SCN1A: variants seen among roughly 807,000 people sequenced by gnomAD.
The protein encoded by SCN1A is sodium voltage-gated channel alpha subunit 1.
SCN1A carries 13 observed loss-of-function variants against 193.7 expected under a neutral mutation model. The ratio of observed to expected loss-of-function variants is 0.07; its 90% confidence interval spans 0.04 to 0.11. The LOEUF (loss-of-function observed/expected upper bound fraction) is 0.11. SCN1A is among the 10% of genes least tolerant of loss of function. The pLI is 1.00. For missense variants in SCN1A, 1,432 were observed against 2,451.1 expected, an observed-to-expected ratio of 0.58 and a Z score of 8.78; for synonymous variants, 781 against 843.6, an observed-to-expected ratio of 0.93 and a Z score of 1.29.
intron 1 of SCN1A, among the ~76,000 whole-genome samples, chr2:166,135,261 AT>A (rs944826476): frequency 6.6e-6 from 1 of 152,148 alleles, no homozygotes. Flanking sequence ...TTTCAATTAG[AT>A]TTTTTTAATA....
chr2:166,058,460 T>G, intron 5 of SCN1A, 110 bp downstream of exon 5: 2 of 622,484 alleles, frequency 3.2e-6, no homozygotes, highest in East Asian at 5.4e-5. Flanking sequence ...AAAATGAGAG[T>G]GATGAAAACT....
chr2:166,058,560 A>G lies in SCN1A; in HGVS notation c.383+10T>C. 7.0e-7 allele frequency: 1 copy of G among 1,425,114 alleles called. No homozygotes were observed. Among genetic ancestry groups the G allele is most frequent in the Non-Finnish European group, 9.9e-7 (1 of 1,008,750 alleles). 88.3% of individuals were successfully genotyped at this position (1,425,114 alleles called of 1,614,324 possible). ...CAAATAGTTAATATTAATCACTTGA[A>G]AAAGGATATGAATGTACCAAAATCT... On this transcript the variant is annotated intron_variant, in intron 5 of 28. Transcript: ENST00000674923.
intron 2 of SCN1A, chr2:166,109,635 A>G (rs1007461368): frequency 6.6e-6 from 1 of 152,146 alleles, no homozygotes; most frequent in Non-Finnish European, 1.5e-5. Context: ...CTTTTTCACT[A>G]TTATTATATC....
intron 7 of SCN1A, among the ~76,000 whole-genome samples, chr2:166,053,571 G>A (rs948116110): frequency 2.6e-5 from 4 of 151,942 alleles, no homozygotes; most frequent in African/African-American, 4.8e-5. Context: ...CCAATGCTGC[G>A]CCTATTGTTA....
chr2:166,124,271 C>A (rs546841941), intron 2 of SCN1A, among the ~76,000 whole-genome samples: 1 of 151,468 alleles, frequency 6.6e-6, no homozygotes, highest in African/African-American at 2.4e-5. Flanking sequence ...ACAAATAGCC[C>A]GGTGTGATGG....
chr2:166,095,415 G>A (rs995484700), intron 2 of SCN1A, among the ~76,000 whole-genome samples: 2 of 152,128 alleles, frequency 1.3e-5, no homozygotes, highest in Non-Finnish European at 2.9e-5. Flanking sequence ...ACTGTGTCAA[G>A]TTTTTTAGTA....
intron 2 of SCN1A, among the ~76,000 whole-genome samples, chr2:166,079,133 T>C (rs549255754): frequency 6.6e-6 from 1 of 151,792 alleles, no homozygotes; most frequent in South Asian, 2.1e-4. Flanking sequence ...TTATTTCTTA[T>C]CTTATGTAGA....
chr2:166,001,879 C>CTCT (rs1559125880), intron 24 of SCN1A, among the ~76,000 whole-genome samples: 6 of 46,394 alleles, frequency 1.3e-4, no homozygotes, highest in Admixed American at 2.7e-4. Context: ...AATTCTCTCT[C>CTCT]TTTTTTTTTT....
At chr2:166,132,557 C>T (rs997258445), upstream of SCN1A, among the ~76,000 whole-genome samples, 4 of 151,966 alleles carry the variant, frequency 2.6e-5, no homozygotes, top group Admixed American at 1.3e-4. Flanking sequence ...GAAAGGGAGT[C>T]AGAAATGAAT....
intron 19 of SCN1A, among the ~76,000 whole-genome samples, chr2:166,024,303 C>T (rs919379591): frequency 3.3e-5 from 5 of 152,130 alleles, no homozygotes; most frequent in African/African-American, 1.2e-4. Flanking sequence ...AAGCAAATAG[C>T]TATTCCCACC....
intron 1 of SCN1A, among the ~76,000 whole-genome samples, chr2:166,135,257 T>C (rs953730034): frequency 2.6e-5 from 4 of 152,188 alleles, no homozygotes; most frequent in African/African-American, 9.7e-5. Context: ...AGAGTTTCAA[T>C]TAGATTTTTT....
intron 23 of SCN1A, among the ~76,000 whole-genome samples, chr2:166,006,528 C>T (rs774679115): frequency 5.5e-4 from 83 of 151,352 alleles, no homozygotes; most frequent in Non-Finnish European, 9.2e-4. Flanking sequence ...CATGATAAGA[C>T]GTTTTTGTTT....
At chr2:166,122,478 ATTCT>A (rs1690707792) in intron 2 of SCN1A, among the ~76,000 whole-genome samples, 1 of 152,208 alleles carries the variant, frequency 6.6e-6, no homozygotes, top group African/African-American at 2.4e-5. Context: ...CAGTTTTCTG[ATTCT>A]TTAAAGTTAT....
rs1328589421 is a variant in SCN1A at position 166,051,755 on chromosome 2, A to C, written c.928T>G (p.Phe310Val). The change falls in exon 9 of 29, where the codon TTT becomes GTT. Residue 310 changes from phenylalanine (F) to valine (V), a missense_variant. Phe to Val is a conservative substitution (Grantham distance 50). Around this residue, in one of 18 missense-constraint regions of SCN1A, gnomAD observed 52 missense variants for 59.6 expected, o/e 0.87. Coordinates refer to ENST00000674923, the MANE Select transcript of SCN1A (RefSeq NM_001165963.4). ...YNGTLINETV[F>V]EFDWKSYIQD... Reference sequence around the variant, plus strand: ...ATATATGACTTCCAGTCAAACTCAAAGACAGTTTCATTTATAAGTGTACCA... The same window carrying C: ...ATATATGACTTCCAGTCAAACTCAACGACAGTTTCATTTATAAGTGTACCA... The C allele has an allele frequency of 6.2e-7, 1 of 1,608,460 alleles. No individual in the cohort carries two copies.
At position 165,991,233 on chromosome 2, in the gene SCN1A, A is replaced by T; in HGVS notation, c.*12T>A. On this transcript the variant is annotated 3_prime_UTR_variant, in exon 29 of 29. Transcript: ENST00000674923. ...AACAATTTGTCACCCAATTATTTTTATTTATTTTCATTTATTTCCCTTTGG... is the reference window on the plus strand; with the variant it reads ...AACAATTTGTCACCCAATTATTTTTTTTTATTTTCATTTATTTCCCTTTGG... 1 of 1,598,238 alleles carries T rather than the reference A, an allele frequency of 6.3e-7. No individual in the cohort carries two copies. Among genetic ancestry groups the T allele is most frequent in the Non-Finnish European group, 8.5e-7 (1 of 1,170,486 alleles).
In SCN1A at chr2:165,996,127, A is replaced by G; in HGVS notation, c.4477-10T>C. The stretch of plus-strand genomic sequence containing the variant: ...TGTCTTGACCTCCAAAGTATAGAAA[A>G]GAAAAATCAAACTGGTTAAAACTGT... On this transcript the variant is annotated splice_polypyrimidine_tract_variant and intron_variant, in intron 26 of 28. Coordinates refer to ENST00000674923, the MANE Select transcript of SCN1A (RefSeq NM_001165963.4). 1.3e-6 allele frequency: 2 copies of G among 1,531,834 alleles called. No homozygotes were observed. Among genetic ancestry groups the G allele is most frequent in the Non-Finnish European group, 1.8e-6 (2 of 1,107,458 alleles). The allele number at this position is 1,531,834 out of a possible 1,614,324, so 94.9% of individuals were successfully genotyped here.
chr2:165,994,289 G>A lies in SCN1A; in HGVS notation c.4709C>T (p.Thr1570Ile), dbSNP rs769629446. Residue 1570 changes from threonine (T) to isoleucine (I), a missense_variant, in exon 28 of 29, where the codon ACT becomes ATT. Transcript: ENST00000674923. ...VETDDQSEYV[T>I]TILSRINLVF... Reference sequence around the variant, plus strand: ...CAGATTGATGCGTGACAAAATGGTAGTCACATATTCACTCTGGTCATCTGT... The same window carrying A: ...CAGATTGATGCGTGACAAAATGGTAATCACATATTCACTCTGGTCATCTGT... 6.2e-7 allele frequency: 1 copy of A among 1,613,186 alleles called. No homozygotes were observed. The highest frequency in any genetic ancestry group is 1.7e-5 in the Admixed American group (1 of 59,866).
intron 19 of SCN1A, among the ~76,000 whole-genome samples, chr2:166,027,911 T>G (rs962827274): frequency 6.6e-6 from 1 of 152,102 alleles, no homozygotes; most frequent in Admixed American, 6.6e-5. Flanking sequence ...GAAAAGACAC[T>G]GTAATGAGAC....
chr2:166,121,118 G>GAAAAAAAAAAA (rs11299049), intron 2 of SCN1A, among the ~76,000 whole-genome samples: 5 of 96,532 alleles, frequency 5.2e-5, no homozygotes, highest in East Asian at 2.9e-4. Flanking sequence ...GGAAAAAAAA[G>GAAAAAAAAAAA]AAAAAAAAAA....
Sources: gnomAD v4.1 joint callset for allele counts (sites outside exome capture counted in the v4.1 genomes callset) on GRCh38, gnomAD v4.1.1 for gene constraint, gnomAD v4.1.1 regional missense constraint, MANE v1.5 for transcripts, NCBI Gene and HGNC (gene_info 2026-07-23, HGNC 2026-07-21) for gene names.